The following WDR72 variants were observed in gnomAD, a reference collection of about 807,000 sequenced individuals.
WDR72 encodes WD repeat-containing protein 72.
In WDR72, 120 loss-of-function variants were observed where a neutral mutation model predicts 124.2. The ratio of observed to expected loss-of-function variants is 0.97; its 90% CI spans 0.83 to 1.12. WDR72 has a LOEUF of 1.12. WDR72 is among the 50% of genes most tolerant of loss of function. The pLI is 0.00. For synonymous variants in WDR72, 452 were observed against 441.7 expected, an observed-to-expected ratio of 1.02 and a Z score of -0.29; for missense variants, 1,387 against 1,278.8, an observed-to-expected ratio of 1.08 and a Z score of -1.29.
chr15:53,599,408 C>T (rs16966273), intron 17 of WDR72, among the ~76,000 whole-genome samples: 20,942 of 151,942 alleles, frequency 0.14, 2,238 homozygotes, highest in African/African-American at 0.3. Flanking sequence ...CCTATTCCAC[C>T]ACGACAGTTA....
At chr15:53,740,087 G>C (rs1355680185) in intron 1 of WDR72, among the ~76,000 whole-genome samples, 1 of 152,068 alleles carries the variant, frequency 6.6e-6, no homozygotes, top group African/African-American at 2.4e-5. Context: ...TGGAAAATTA[G>C]CTTCTCTTAC....
chr15:53,748,613 A>G (rs1443488364), intron 1 of WDR72, among the ~76,000 whole-genome samples: 1 of 152,154 alleles, frequency 6.6e-6, no homozygotes, highest in Non-Finnish European at 1.5e-5. Context: ...AGTTCCTCAT[A>G]TCCCAGCACT....
chr15:53,586,819 CA>C (rs1197835589), intron 18 of WDR72, among the ~76,000 whole-genome samples: 24 of 152,098 alleles, frequency 1.6e-4, no homozygotes, highest in African/African-American at 5.5e-4. Context: ...AAAGGGTACA[CA>C]AGGGAAAAAG....
chr15:53,661,213 T>A (rs952773204), intron 14 of WDR72, among the ~76,000 whole-genome samples: 13 of 152,166 alleles, frequency 8.5e-5, no homozygotes, highest in Non-Finnish European at 1.6e-4. Context: ...TATAAAGGAA[T>A]ACCTGATGCT....
chr15:53,750,724 G>A (rs964312642), intron 1 of WDR72, among the ~76,000 whole-genome samples: 5 of 152,176 alleles, frequency 3.3e-5, no homozygotes, highest in African/African-American at 1.2e-4. Flanking sequence ...ATTAACGGGA[G>A]TTGAGAAGAA....
At chr15:53,690,000 G>T (rs1350557344) in intron 13 of WDR72, among the ~76,000 whole-genome samples, 1 of 146,802 alleles carries the variant, frequency 6.8e-6, no homozygotes, top group African/African-American at 2.5e-5. Context: ...CTCACTCATA[G>T]GTGGGAATTG....
chr15:53,533,065 G>A (rs1892566646), intron 18 of WDR72, among the ~76,000 whole-genome samples: 1 of 152,088 alleles, frequency 6.6e-6, no homozygotes. Flanking sequence ...GCTTTCGGAA[G>A]GAGACGAGCA....
chr15:53,552,677 A>G (rs1893783718), intron 18 of WDR72, among the ~76,000 whole-genome samples: 2 of 152,316 alleles, frequency 1.3e-5, no homozygotes, highest in East Asian at 3.9e-4. Context: ...GGCTTAAAAA[A>G]TTCTTTCTTG....
chr15:53,653,334 C>T (rs1427352668), intron 14 of WDR72, among the ~76,000 whole-genome samples: 1 of 152,102 alleles, frequency 6.6e-6, no homozygotes, highest in Non-Finnish European at 1.5e-5. Context: ...TTTGAACTTA[C>T]ACTGGAGTAG....
rs562797084 is a variant in WDR72 at position 53,675,152 on chromosome 15, G to A, written c.1766-9384C>T. ...GAGGTCAGGAGATTGAGACCATCCT[G>A]GCCAACATGGTGAAACCCCATCTCT... On this transcript the variant is annotated intron_variant, in intron 13 of 19. Transcript: ENST00000360509. 1.3e-4 allele frequency among the ~76,000 whole-genome samples: 20 copies of A among 152,208 alleles called. No individual in the cohort carries two copies. The South Asian group carries it at 3.9e-3, about 30-fold the overall frequency.
intron 18 of WDR72, among the ~76,000 whole-genome samples, chr15:53,549,772 A>G (rs1459206866): frequency 6.6e-6 from 1 of 152,156 alleles, no homozygotes; most frequent in Non-Finnish European, 1.5e-5. Flanking sequence ...CTCTTAGGCT[A>G]ACTTAGGCTT....
rs1267074406 is a variant in WDR72 at position 53,516,733 on chromosome 15, T to C, written c.*966A>G. On this transcript the variant is annotated 3_prime_UTR_variant, in exon 20 of 20. Coordinates refer to ENST00000360509, the MANE Select transcript of WDR72 (RefSeq NM_182758.4). ...ATCCTTTTTTCTATGGATTAGGCAA[T>C]ATTTATATACATAAGATATGTAGAT... The C allele has an allele frequency of 6.6e-6, 1 of 152,088 alleles. No individual in the cohort carries two copies. The highest frequency in any genetic ancestry group is 2.4e-5 in the African/African-American group (1 of 41,436). 9.4% of individuals were successfully genotyped at this position (152,088 alleles called of 1,614,324 possible).
intron 1 of WDR72, among the ~76,000 whole-genome samples, chr15:53,741,727 C>G (rs78294724): frequency 7.0e-6 from 1 of 142,932 alleles, no homozygotes; most frequent in African/African-American, 2.5e-5. Context: ...GAAATGTGAT[C>G]CAGATTTTTT....
At chr15:53,669,522 A>G (rs1243484427) in intron 13 of WDR72, among the ~76,000 whole-genome samples, 1 of 152,104 alleles carries the variant, frequency 6.6e-6, no homozygotes, top group Non-Finnish European at 1.5e-5. Context: ...ATTCTTTATG[A>G]TAGTTAACAA....
rs569869260 is a variant in WDR72 at position 53,751,149 on chromosome 15, G to A, written c.-13+8484C>T. On this transcript the variant is annotated intron_variant, in intron 1 of 19. Coordinates refer to ENST00000360509, the MANE Select transcript of WDR72 (RefSeq NM_182758.4). ...GGTCTGAGCACAGTGACATATGCCT[G>A]TAATCCCAGCTACTTGAGAGGCTAA... is the stretch of plus-strand genomic sequence containing the variant. Among the ~76,000 whole-genome samples, 21 of 152,136 alleles carry A rather than the reference G, an allele frequency of 1.4e-4. 1 individual carries two copies. In the South Asian group the frequency reaches 3.9e-3, roughly 29 times the overall value.
At chr15:53,586,857 C>A (rs186411210) in intron 18 of WDR72, among the ~76,000 whole-genome samples, 1 of 152,136 alleles carries the variant, frequency 6.6e-6, no homozygotes, top group East Asian at 1.9e-4. Context: ...AGAAAAGGAA[C>A]TTCTTGAGTT....
At chr15:53,655,582 A>C (rs958945343) in intron 14 of WDR72, among the ~76,000 whole-genome samples, 1 of 152,196 alleles carries the variant, frequency 6.6e-6, no homozygotes, top group South Asian at 2.1e-4. Context: ...GACAAGAAAA[A>C]GGAAAACAAA....
At chr15:53,564,534 A>C (rs927245895) in intron 18 of WDR72, among the ~76,000 whole-genome samples, 36 of 151,994 alleles carry the variant, frequency 2.4e-4, no homozygotes, top group African/African-American at 8.0e-4. Context: ...AACTATCTCC[A>C]GGTCAACTGC....
At chr15:53,676,117 G>T (rs953504452) in intron 13 of WDR72, among the ~76,000 whole-genome samples, 17 of 152,012 alleles carry the variant, frequency 1.1e-4, no homozygotes, top group Non-Finnish European at 1.3e-4. Flanking sequence ...ACCTCAAAAG[G>T]CTCTCTCATC....
Sources: gnomAD v4.1 joint callset for allele counts (sites outside exome capture counted in the v4.1 genomes callset) on GRCh38, gnomAD v4.1.1 for gene constraint, MANE v1.5 for transcripts, NCBI Gene and HGNC (gene_info 2026-07-23, HGNC 2026-07-21) for gene names.